Variants in GRIK2 observed in about 807,000 individuals in gnomAD.
The protein encoded by GRIK2 is glutamate receptor ionotropic, kainate 2.
In GRIK2, 32 loss-of-function variants were observed where a neutral mutation model predicts 100.3. The ratio of observed to expected loss-of-function variants is 0.32; its 90% CI spans 0.24 to 0.43. GRIK2 has a LOEUF of 0.43. Among genes scored for constraint, GRIK2 ranks in the 20% least tolerant of loss-of-function variants. GRIK2 has a pLI of 1.00. For missense variants in GRIK2, 843 were observed against 1,114.9 expected (o/e 0.76, Z 3.47); for synonymous variants, 417 against 389.4 (o/e 1.07, Z -0.83).
chr6:101,634,942 C>T (rs191229257), intron 4 of GRIK2, among the ~76,000 whole-genome samples: 1 of 151,750 alleles, frequency 6.6e-6, no homozygotes, highest in African/African-American at 2.4e-5. Flanking sequence ...AATGGAAAGT[C>T]AATTAATAGT....
At chr6:101,706,056 G>T (rs1773272851) in intron 7 of GRIK2, among the ~76,000 whole-genome samples, 1 of 151,802 alleles carries the variant, frequency 6.6e-6, no homozygotes, top group Non-Finnish European at 1.5e-5. Flanking sequence ...CCCCATAAAT[G>T]ACTCAGCTAC....
intron 14 of GRIK2, among the ~76,000 whole-genome samples, chr6:101,979,446 G>A (rs1793587048): frequency 6.6e-6 from 1 of 151,982 alleles, no homozygotes; most frequent in Admixed American, 6.6e-5. Context: ...TGTTAAAGGT[G>A]GAAGGTGAGT....
intron 2 of GRIK2, among the ~76,000 whole-genome samples, chr6:101,541,017 A>C (rs1775956496): frequency 6.6e-6 from 1 of 151,998 alleles, no homozygotes; most frequent in Non-Finnish European, 1.5e-5. Flanking sequence ...AATGGAAATC[A>C]AGTCTTGAGG....
chr6:102,041,656 A>G (rs1388066144), intron 15 of GRIK2, among the ~76,000 whole-genome samples: 1 of 151,778 alleles, frequency 6.6e-6, no homozygotes, highest in African/African-American at 2.4e-5. Flanking sequence ...GTCCTCATGT[A>G]TAAGCAGATA....
intron 11 of GRIK2, among the ~76,000 whole-genome samples, chr6:101,888,616 C>A (rs1786827620): frequency 6.6e-6 from 1 of 152,250 alleles, no homozygotes; most frequent in African/African-American, 2.4e-5. Flanking sequence ...CACCAACACA[C>A]AAATGCACAA....
chr6:101,966,647 A>G (rs1299831022), intron 14 of GRIK2, among the ~76,000 whole-genome samples: 1 of 152,076 alleles, frequency 6.6e-6, no homozygotes, highest in Non-Finnish European at 1.5e-5. Context: ...AAGTGATTCA[A>G]TGGATAAAGG....
chr6:101,693,741 ATATC>A (rs1772275389), intron 7 of GRIK2, among the ~76,000 whole-genome samples: 1 of 152,030 alleles, frequency 6.6e-6, no homozygotes, highest in African/African-American at 2.4e-5. Context: ...AAAATTATAT[ATATC>A]TAATATGGCA....
chr6:101,796,077 T>C (rs1274724179), intron 7 of GRIK2, among the ~76,000 whole-genome samples: 1 of 152,182 alleles, frequency 6.6e-6, no homozygotes, highest in Non-Finnish European at 1.5e-5. Flanking sequence ...CCATAGAGTG[T>C]TGAGTGAGAA....
At position 101,915,220 on chromosome 6, in the gene GRIK2, G is replaced by A. The variant is rs540903440; in HGVS notation, c.1749-9381G>A. Among the ~76,000 whole-genome samples, 131 of 151,378 alleles carry A rather than the reference G, an allele frequency of 8.7e-4. 1 individual carries two copies. Among genetic ancestry groups the A allele is most frequent in the African/African-American group, 3.1e-3 (127 of 41,418 alleles). On this transcript the variant is annotated intron_variant, in intron 12 of 16. Transcript: ENST00000369134. ...ACAATAAAAATATTTTGGGATATAT[G>A]TTATTTATAACTAACAACAGAAGAT... is the stretch of plus-strand genomic sequence containing the variant.
rs140414588 is a variant in GRIK2, at chr6:101,924,978, C to T, written c.1867+259C>T. Among the ~76,000 whole-genome samples, 23 of 152,258 alleles carry T rather than the reference C, an allele frequency of 1.5e-4. No individual in the cohort carries two copies. In the East Asian group the frequency reaches 3.7e-3, roughly 24 times the overall value. ...TTAACCTACAGTAGATACATTATTT[C>T]ATAGATAACCAAGCTAACCTGATCA... is the stretch of plus-strand genomic sequence containing the variant. On this transcript the variant is annotated intron_variant, in intron 13 of 16. Transcript: ENST00000369134.
chr6:101,679,039 A>G (rs1771049674), intron 5 of GRIK2, among the ~76,000 whole-genome samples: 1 of 152,182 alleles, frequency 6.6e-6, no homozygotes, highest in South Asian at 2.1e-4. Flanking sequence ...AGATTTATCA[A>G]AGAAAATACC....
At chr6:101,539,616 G>T (rs1483945521) in intron 2 of GRIK2, among the ~76,000 whole-genome samples, 28 of 151,712 alleles carry the variant, frequency 1.8e-4, no homozygotes, top group Admixed American at 1.8e-3. Context: ...CTTCATGTAG[G>T]TTTCTAGTGG....
rs1372300535 is a variant in GRIK2, at chr6:102,069,703, A to T, written c.*1192A>T. Reference sequence around the variant, plus strand: ...CTATGAAAATAGTTTTTGTATGGAAATTTTTGTAATACTTTTTATCAACAA... The same window carrying T: ...CTATGAAAATAGTTTTTGTATGGAATTTTTTGTAATACTTTTTATCAACAA... On this transcript the variant is annotated 3_prime_UTR_variant, in exon 17 of 17. Transcript: ENST00000369134. The T allele has an allele frequency of 6.6e-6, 1 of 152,002 alleles. No individual in the cohort carries two copies. The highest frequency in any genetic ancestry group is 1.5e-5 in the Non-Finnish European group (1 of 67,952). The allele number at this position is 152,002 out of a possible 1,614,324, so 9.4% of individuals were successfully genotyped here.
rs777877779 is a variant in GRIK2, at chr6:101,626,540, T to A, written c.444T>A (p.Ser148Arg). The A allele has an allele frequency of 1.9e-6, 3 of 1,613,888 alleles. No homozygotes were observed. Among genetic ancestry groups the A allele is most frequent in the Non-Finnish European group, 1.7e-6 (2 of 1,179,810 alleles). ...ACAACAAAGATTCCTTCTATGTCAGTCTCTACCCAGACTTCTCTTCACTCA... is the reference window on the plus strand; with the variant it reads ...ACAACAAAGATTCCTTCTATGTCAGACTCTACCCAGACTTCTCTTCACTCA... ...VSDNKDSFYV[S>R]LYPDFSSLSR... The change falls in exon 4 of 17, where the codon AGT becomes AGA. Residue 148 changes from serine (S) to arginine (R), a missense_variant. By Grantham distance (110) the Ser-to-Arg change is moderately radical. Transcript: ENST00000369134.
chr6:101,475,808 A>G (rs573245505), intron 2 of GRIK2, among the ~76,000 whole-genome samples: 1 of 152,142 alleles, frequency 6.6e-6, no homozygotes, highest in Non-Finnish European at 1.5e-5. Context: ...GCTGAGTGGA[A>G]TGTAAGAAGA....
chr6:101,920,273 TC>T (rs1270460272), intron 12 of GRIK2, among the ~76,000 whole-genome samples: 1 of 151,918 alleles, frequency 6.6e-6, no homozygotes, highest in African/African-American at 2.4e-5. Context: ...TTCTCTCTCA[TC>T]CCCAATCGAG....
At chr6:101,434,962 G>T (rs576294771) in intron 2 of GRIK2, among the ~76,000 whole-genome samples, 11 of 152,028 alleles carry the variant, frequency 7.2e-5, no homozygotes, top group African/African-American at 2.7e-4. Flanking sequence ...AAGGAGAAAA[G>T]AAAATTCTAT....
chr6:101,413,821 C>G (rs1360485760), intron 2 of GRIK2, among the ~76,000 whole-genome samples: 1 of 151,910 alleles, frequency 6.6e-6, no homozygotes, highest in African/African-American at 2.4e-5. Context: ...GATATATACA[C>G]AACTATTATA....
At chr6:101,942,357 C>G (rs890443852) in intron 14 of GRIK2, among the ~76,000 whole-genome samples, 4 of 152,202 alleles carry the variant, frequency 2.6e-5, no homozygotes, top group Non-Finnish European at 4.4e-5. Context: ...GGGGACTGCT[C>G]TAAAGATACC....
Sources: gnomAD v4.1 joint callset for allele counts (sites outside exome capture counted in the v4.1 genomes callset) on GRCh38, gnomAD v4.1.1 for gene constraint, MANE v1.5 for transcripts, NCBI Gene and HGNC (gene_info 2026-07-23, HGNC 2026-07-21) for gene names.